Variants in HNRNPF observed in about 807,000 individuals in gnomAD.
The protein encoded by HNRNPF is HnRNP F protein.
A neutral mutation model predicts 26.0 loss-of-function variants in HNRNPF; 2 were observed. The ratio of observed to expected loss-of-function variants is 0.08; its 90% CI spans 0.03 to 0.24. HNRNPF has a LOEUF of 0.24. HNRNPF is among the 10% of genes least tolerant of loss of function. HNRNPF has a pLI of 1.00. For missense variants in HNRNPF, 299 were observed against 539.2 expected, an observed-to-expected ratio of 0.55 and a Z score of 4.41; for synonymous variants, 234 against 211.5, an observed-to-expected ratio of 1.11 and a Z score of -0.92.
At position 43,398,019 on chromosome 10, in the gene HNRNPF, TTTTG is replaced by T. The variant is rs949117793; in HGVS notation, c.-246-1433_-246-1430del. ...TTCTACTTTTGTGTATGTTTGACTG[TTTTG>T]TTTGTTTGGTTGGTTTTTTTTGAGA... is the stretch of plus-strand genomic sequence containing the variant. On this transcript the variant is annotated intron_variant, in intron 1 of 3. Transcript: ENST00000682386. Among the ~76,000 whole-genome samples the T allele has an allele frequency of 1.6e-4, 25 of 152,270 alleles. 1 individual carries two copies. The highest frequency in any genetic ancestry group is 2.5e-4 in the Non-Finnish European group (17 of 68,024).
chr10:43,404,614 T>C (rs527880524), intron 1 of HNRNPF, among the ~76,000 whole-genome samples: 9 of 152,076 alleles, frequency 5.9e-5, no homozygotes, highest in African/African-American at 1.9e-4. Context: ...TCCCAGCACT[T>C]TGGGAGGCTG....
chr10:43,408,248 G>T (rs1838994224), intron 1 of HNRNPF, among the ~76,000 whole-genome samples: 1 of 152,154 alleles, frequency 6.6e-6, no homozygotes, highest in Admixed American at 6.5e-5. Flanking sequence ...CCAGGGGGCC[G>T]GACTAACGCA....
chr10:43,408,565 C>T (rs1482745487), intron 1 of HNRNPF, among the ~76,000 whole-genome samples: 3 of 152,172 alleles, frequency 2.0e-5, no homozygotes, highest in Non-Finnish European at 4.4e-5. Context: ...ATCCCCACCC[C>T]AATAGGCCCA....
chr10:43,386,329 A>C lies in HNRNPF; in HGVS notation c.*308T>G, dbSNP rs1256637292. The stretch of plus-strand genomic sequence containing the variant: ...AAAAGCACGTCTCCCCAGTGTGTTC[A>C]CTGTGATGTGGTGTAAAAGATCCAC... On this transcript the variant is annotated 3_prime_UTR_variant, in exon 4 of 4. Coordinates refer to ENST00000682386, the MANE Select transcript of HNRNPF (RefSeq NM_001098204.2). 4.2e-6 allele frequency: 1 copy of C among 236,554 alleles called. No individual in the cohort carries two copies. Among genetic ancestry groups the C allele is most frequent in the Non-Finnish European group, 8.1e-6 (1 of 123,706 alleles). The allele number at this position is 236,554 out of a possible 1,614,324, so 14.7% of individuals were successfully genotyped here. A position where few individuals can be genotyped will look rare whatever the true frequency, so the allele number is the denominator to read the frequency against.
chr10:43,392,384 C>CA (rs1419018436), intron 3 of HNRNPF, among the ~76,000 whole-genome samples: 1 of 152,058 alleles, frequency 6.6e-6, no homozygotes, highest in East Asian at 1.9e-4. Flanking sequence ...ACTAAAAATA[C>CA]AAAAATTAGC....
intron 1 of HNRNPF, among the ~76,000 whole-genome samples, chr10:43,398,913 G>C (rs1052558860): frequency 6.6e-6 from 1 of 152,184 alleles, no homozygotes; most frequent in Admixed American, 6.5e-5. Context: ...TGCATATAGT[G>C]ATGTAGACTG....
At chr10:43,389,830 G>T (rs1008250036) in intron 3 of HNRNPF, among the ~76,000 whole-genome samples, 1 of 152,216 alleles carries the variant, frequency 6.6e-6, no homozygotes, top group African/African-American at 2.4e-5. Context: ...GAACATGGAA[G>T]CCTCTGGGAA....
intron 1 of HNRNPF, among the ~76,000 whole-genome samples, chr10:43,401,631 A>T (rs955252441): frequency 6.6e-6 from 1 of 152,202 alleles, no homozygotes; most frequent in African/African-American, 2.4e-5. Context: ...GTGTGTATAG[A>T]TTCCGCTAAA....
At chr10:43,394,880 G>A (rs1838405227) in intron 2 of HNRNPF, among the ~76,000 whole-genome samples, 192 bp from the exon 3 acceptor site, 1 of 152,096 alleles carries the variant, frequency 6.6e-6, no homozygotes, top group Non-Finnish European at 1.5e-5. Flanking sequence ...GCAATACAGA[G>A]CACAACAAAA....
intron 1 of HNRNPF, among the ~76,000 whole-genome samples, chr10:43,405,407 A>T (rs527616323): frequency 6.6e-6 from 1 of 152,336 alleles, no homozygotes; most frequent in African/African-American, 2.4e-5. Context: ...CTGTAATCCC[A>T]GCACTTTGGG....
chr10:43,388,002 G>C (rs1803680895), intron 3 of HNRNPF, 66 bp from the exon 4 acceptor site: 1 of 793,638 alleles, frequency 1.3e-6, no homozygotes, highest in Admixed American at 2.9e-5. Context: ...TTACAGACGA[G>C]AGAGGTAGCA....
In HNRNPF at chr10:43,386,686, C is replaced by T. The variant is rs775539785; in HGVS notation, c.1199G>A (p.Cys400Tyr). 1 of 1,595,834 alleles carries T rather than the reference C, an allele frequency of 6.3e-7. No homozygotes were observed. Among genetic ancestry groups the T allele is most frequent in the Non-Finnish European group, 8.5e-7 (1 of 1,175,404 alleles). The change falls in exon 4 of 4, where the codon TGT (cysteine) becomes TAT (tyrosine). Residue 400 changes from cysteine (C) to tyrosine (Y), a missense_variant. Coordinates refer to ENST00000682386, the MANE Select transcript of HNRNPF (RefSeq NM_001098204.2). Reference protein sequence around the residue: ...SGLESQSVSGCYGAGYSGQNS... With the variant: ...SGLESQSVSGYYGAGYSGQNS... ...CTGCCCACTGTAGCCGGCCCCGTAACAGCCACTCACTGACTGGCTCTCCAG... is the reference window on the plus strand; with the variant it reads ...CTGCCCACTGTAGCCGGCCCCGTAATAGCCACTCACTGACTGGCTCTCCAG...
intron 1 of HNRNPF, among the ~76,000 whole-genome samples, chr10:43,405,988 C>A (rs1335849241): frequency 2.0e-5 from 3 of 152,112 alleles, no homozygotes; most frequent in Non-Finnish European, 4.4e-5. Flanking sequence ...TCCCAAGTCC[C>A]AATTGTGTCC....
At chr10:43,391,909 C>G (rs1246115865) in intron 3 of HNRNPF, among the ~76,000 whole-genome samples, 1 of 152,144 alleles carries the variant, frequency 6.6e-6, no homozygotes, top group Non-Finnish European at 1.5e-5. Context: ...AAAATCTTGT[C>G]AAAAGGCCTC....
intron 3 of HNRNPF, among the ~76,000 whole-genome samples, chr10:43,389,721 C>A (rs1331743226): frequency 6.6e-6 from 1 of 152,180 alleles, no homozygotes; most frequent in Non-Finnish European, 1.5e-5. Flanking sequence ...ATCACCAAGA[C>A]CAAACACTCG....
At chr10:43,394,134 C>G (rs921052486) in intron 3 of HNRNPF, among the ~76,000 whole-genome samples, 1 of 152,166 alleles carries the variant, frequency 6.6e-6, no homozygotes, top group Non-Finnish European at 1.5e-5. Context: ...CAGACTTGAC[C>G]CAGCTGGTCC....
intron 3 of HNRNPF, among the ~76,000 whole-genome samples, chr10:43,390,055 G>C (rs1188407216): frequency 6.6e-6 from 1 of 152,146 alleles, no homozygotes; most frequent in Non-Finnish European, 1.5e-5. Flanking sequence ...GCCTCCCCAG[G>C]GCCTTATCTA....
At chr10:43,398,344 G>A (rs201577488) in intron 1 of HNRNPF, among the ~76,000 whole-genome samples, 1 of 125,486 alleles carries the variant, frequency 8.0e-6, no homozygotes, top group Non-Finnish European at 1.7e-5. Flanking sequence ...TGTTGTTGTT[G>A]TTTTTTTTTT....
chr10:43,402,574 T>A (rs1459370798), intron 1 of HNRNPF, among the ~76,000 whole-genome samples: 1 of 152,228 alleles, frequency 6.6e-6, no homozygotes, highest in Non-Finnish European at 1.5e-5. Context: ...AGCCCTAGCA[T>A]ACTAATACAA....
Sources: allele counts gnomAD v4.1 joint callset (sites outside exome capture counted in the v4.1 genomes callset), GRCh38; gene constraint gnomAD v4.1.1; transcripts MANE v1.5; gene names NCBI Gene and HGNC (gene_info 2026-07-23, HGNC 2026-07-21).